The following ABHD5 variants were observed in gnomAD, a reference collection of about 807,000 sequenced individuals.
The protein encoded by ABHD5 is abhydrolase domain containing 5, lysophosphatidic acid acyltransferase.
ABHD5 carries 30 observed loss-of-function variants against 44.9 expected under a neutral mutation model. That is an observed-to-expected ratio of 0.67 (90% CI 0.50 to 0.91). The LOEUF (loss-of-function observed/expected upper bound fraction) is 0.91, where lower values mean the gene tolerates loss of function less well. Among genes scored for constraint, ABHD5 ranks in the 40% least tolerant of loss-of-function variants. The pLI is 0.00. For synonymous variants in ABHD5, 167 were observed against 147.0 expected (o/e 1.14, Z -0.99); for missense variants, 399 against 423.4 (o/e 0.94, Z 0.50).
At chr3:43,698,552 G>A (rs1294727949) in intron 1 of ABHD5, among the ~76,000 whole-genome samples, 10 of 152,178 alleles carry the variant, frequency 6.6e-5, no homozygotes, top group Admixed American at 6.5e-4. Flanking sequence ...TACAAGCAAA[G>A]TATGTCAACT....
At chr3:43,693,712 C>A (rs915000446) in intron 1 of ABHD5, among the ~76,000 whole-genome samples, 7 of 150,786 alleles carry the variant, frequency 4.6e-5, no homozygotes, top group African/African-American at 1.7e-4. Flanking sequence ...TTTTATCTTA[C>A]CTTACCTGAC....
chr3:43,716,188 G>A (rs1222775632), intron 5 of ABHD5, among the ~76,000 whole-genome samples: 3 of 152,200 alleles, frequency 2.0e-5, no homozygotes, highest in Non-Finnish European at 4.4e-5. Context: ...TTTCTAGGAA[G>A]AGCATCAAGA....
At chr3:43,732,527 C>G (rs1233004424) in intron 7 of ABHD5, among the ~76,000 whole-genome samples, 1 of 152,022 alleles carries the variant, frequency 6.6e-6, no homozygotes, top group Admixed American at 6.6e-5. Context: ...AAGAGATGGT[C>G]AAGAAGTAAG....
chr3:43,691,908 A>G lies in ABHD5; in HGVS notation c.47+869A>G, dbSNP rs116024581. On this transcript the variant is annotated intron_variant, in intron 1 of 6. Coordinates refer to ENST00000644371, the MANE Select transcript of ABHD5 (RefSeq NM_016006.6). Reference sequence around the variant, plus strand: ...ATGTATAGGAAACTGTGGAAGTTGGAGGGCAGATGTCTAATGTGAAACTTT... The same window carrying G: ...ATGTATAGGAAACTGTGGAAGTTGGGGGGCAGATGTCTAATGTGAAACTTT... 3.1e-3 allele frequency among the ~76,000 whole-genome samples: 470 copies of G among 152,318 alleles called. 4 individuals are homozygous for G. The highest frequency in any genetic ancestry group is 0.011 in the African/African-American group (457 of 41,584).
At chr3:43,728,940 G>A (rs533446913) in intron 7 of ABHD5, among the ~76,000 whole-genome samples, 6 of 152,328 alleles carry the variant, frequency 3.9e-5, no homozygotes, top group East Asian at 1.9e-4. Flanking sequence ...TTAATCTGCT[G>A]AGTGGATTAG....
At chr3:43,693,681 A>G (rs537367819) in intron 1 of ABHD5, among the ~76,000 whole-genome samples, 7 of 150,446 alleles carry the variant, frequency 4.7e-5, no homozygotes, top group Admixed American at 4.6e-4. Flanking sequence ...TAGACATTCT[A>G]GGTCTTAATG....
chr3:43,702,126 A>T, intron 2 of ABHD5, 89 bp from the exon 3 acceptor site: 8 of 1,155,966 alleles, frequency 6.9e-6, no homozygotes, highest in Non-Finnish European at 9.7e-6. Context: ...TGGATACTAG[A>T]TGATTTGTAA....
At chr3:43,710,105 A>G (rs1194653050) in intron 3 of ABHD5, among the ~76,000 whole-genome samples, 1 of 152,214 alleles carries the variant, frequency 6.6e-6, no homozygotes, top group East Asian at 1.9e-4. Flanking sequence ...AGTCTTTGCC[A>G]TTAAAAAACA....
chr3:43,695,550 T>C (rs544412629), intron 1 of ABHD5, among the ~76,000 whole-genome samples: 1 of 152,320 alleles, frequency 6.6e-6, no homozygotes, highest in Non-Finnish European at 1.5e-5. Context: ...TGGCCAAGAG[T>C]GTATGGAAAC....
intron 1 of ABHD5, among the ~76,000 whole-genome samples, chr3:43,692,350 A>G (rs1010870669): frequency 6.6e-6 from 1 of 152,242 alleles, no homozygotes; most frequent in Admixed American, 6.5e-5. Context: ...GCAAGTAGGA[A>G]CGTAATTGGT....
intron 1 of ABHD5, among the ~76,000 whole-genome samples, chr3:43,697,616 T>G (rs1426907535): frequency 6.6e-6 from 1 of 152,212 alleles, no homozygotes; most frequent in Non-Finnish European, 1.5e-5. Flanking sequence ...GGGTAATTTA[T>G]AAGAGCTGTG....
chr3:43,695,866 T>G (rs1575598782), intron 1 of ABHD5, among the ~76,000 whole-genome samples: 1 of 152,368 alleles, frequency 6.6e-6, no homozygotes, highest in Middle Eastern at 3.4e-3. Context: ...ACATCTTACT[T>G]GGCTTTCCTT....
intron 2 of ABHD5, chr3:43,699,719 C>T (rs2084516320): frequency 5.7e-6 from 1 of 174,142 alleles, no homozygotes; most frequent in East Asian, 1.5e-4. Context: ...AAACCCATTA[C>T]AGATTAAAAT....
chr3:43,732,785 A>C lies in ABHD5; in HGVS notation c.*30-1095A>C, dbSNP rs576799770. 9.8e-5 allele frequency among the ~76,000 whole-genome samples: 15 copies of C among 152,318 alleles called. No individual in the cohort carries two copies. The South Asian group carries it at 3.1e-3, about 32-fold the overall frequency. Reference sequence around the variant, plus strand: ...TGCTTCAAGATCTTTGCATGGCCGCAGTCAAGATGGTAGCCAGGGCTGGGG... The same window carrying C: ...TGCTTCAAGATCTTTGCATGGCCGCCGTCAAGATGGTAGCCAGGGCTGGGG... On this transcript the variant is annotated intron_variant, in intron 7 of 7. Coordinates refer to the ABHD5 transcript ENST00000454293.
chr3:43,731,476 A>C (rs2084912103), intron 7 of ABHD5, among the ~76,000 whole-genome samples: 1 of 152,194 alleles, frequency 6.6e-6, no homozygotes, highest in Non-Finnish European at 1.5e-5. Context: ...CTCAGACAAC[A>C]CTGCATACAT....
At chr3:43,730,677 TCTTA>T (rs1166669560) in intron 7 of ABHD5, among the ~76,000 whole-genome samples, 2 of 152,074 alleles carry the variant, frequency 1.3e-5, no homozygotes, top group Non-Finnish European at 2.9e-5. Flanking sequence ...GGCTAATTTT[TCTTA>T]CTTTTTGGAG....
rs1319844887 is a variant in ABHD5 at position 43,719,744 on chromosome 3, C to G, written c.*1212C>G. ...GTGAAATGCTCCATGTGGTAACTGG[C>G]TGCTGAGAAAACCCTTCACCAAAAA... On this transcript the variant is annotated 3_prime_UTR_variant, in exon 7 of 7. Coordinates refer to ENST00000644371, the MANE Select transcript of ABHD5 (RefSeq NM_016006.6). 5.3e-5 allele frequency: 8 copies of G among 152,182 alleles called. No homozygotes were observed. Among genetic ancestry groups the G allele is most frequent in the Admixed American group, 4.6e-4 (7 of 15,292 alleles). 9.4% of individuals were successfully genotyped at this position (152,182 alleles called of 1,614,324 possible). A position where few individuals can be genotyped will look rare whatever the true frequency, so the allele number is the denominator to read the frequency against.
chr3:43,729,200 T>C (rs905753605), intron 7 of ABHD5, among the ~76,000 whole-genome samples: 2 of 152,058 alleles, frequency 1.3e-5, no homozygotes, highest in African/African-American at 2.4e-5. Flanking sequence ...TGTGGTGAGG[T>C]TGGCAGAGAA....
Position 43,721,411 on chromosome 3 carries a change from A to G in ABHD5, c.*2879A>G, listed in dbSNP as rs2149608892. The stretch of plus-strand genomic sequence containing the variant: ...ACTTTCCTAGGACTGAAAATTCAGA[A>G]GCAATAAAAAGAGAAGTCTATAGAA... On this transcript the variant is annotated 3_prime_UTR_variant, in exon 7 of 7. Transcript: ENST00000644371. 1 of 152,224 alleles carries G rather than the reference A, an allele frequency of 6.6e-6. No individual in the cohort carries two copies. Among genetic ancestry groups the G allele is most frequent in the Admixed American group, 6.5e-5 (1 of 15,286 alleles). 9.4% of individuals were successfully genotyped at this position (152,224 alleles called of 1,614,324 possible).
Sources: gnomAD v4.1 joint callset for allele counts (sites outside exome capture counted in the v4.1 genomes callset) on GRCh38, gnomAD v4.1.1 for gene constraint, MANE v1.5 for transcripts, NCBI Gene and HGNC (gene_info 2026-07-23, HGNC 2026-07-21) for gene names.